Variants in CLYBL observed in about 807,000 individuals in gnomAD.
CLYBL encodes citramalyl-CoA lyase.
In CLYBL, 31 loss-of-function variants were observed where a neutral mutation model predicts 38.9. The ratio of observed to expected loss-of-function variants is 0.80; its 90% CI spans 0.60 to 1.08. The LOEUF is 1.08. Among genes scored for constraint, CLYBL ranks in the 50% least tolerant of loss-of-function variants. CLYBL has a pLI of 0.00. For synonymous variants in CLYBL, 171 were observed against 158.6 expected (o/e 1.08, Z -0.59); for missense variants, 434 against 411.6 (o/e 1.05, Z -0.47).
chr13:99,675,465 T>C (rs960008597), intron 1 of CLYBL, among the ~76,000 whole-genome samples: 13 of 152,198 alleles, frequency 8.5e-5, no homozygotes, highest in African/African-American at 2.4e-4. Context: ...ATTAATTTTA[T>C]TTCTATCACT....
At chr13:99,750,690 A>G (rs180723473) in intron 1 of CLYBL, among the ~76,000 whole-genome samples, 32 of 150,770 alleles carry the variant, frequency 2.1e-4, no homozygotes, top group African/African-American at 7.8e-4. Flanking sequence ...AAAAAAAAGA[A>G]AGAAATTTAT....
chr13:99,606,819 G>A, intron 1 of CLYBL, 62 bp downstream of exon 1: 1 of 1,313,130 alleles, frequency 7.6e-7, no homozygotes, highest in Non-Finnish European at 9.6e-7. Flanking sequence ...GGCTCCTGTT[G>A]CAGCCCCGCG....
chr13:99,678,691 T>C (rs1260794641), intron 1 of CLYBL, among the ~76,000 whole-genome samples: 1 of 152,232 alleles, frequency 6.6e-6, no homozygotes, highest in Non-Finnish European at 1.5e-5. Flanking sequence ...ATCAGGAAAG[T>C]ATTATTATCT....
At chr13:99,870,781 G>T (rs1483062652) in intron 6 of CLYBL, among the ~76,000 whole-genome samples, 157 bp from the exon 7 acceptor site, 1 of 152,112 alleles carries the variant, frequency 6.6e-6, no homozygotes, top group Non-Finnish European at 1.5e-5. Context: ...CTGATTGCAG[G>T]TTTTGTTTGT....
chr13:99,850,103 A>C (rs775833557), intron 2 of CLYBL, among the ~76,000 whole-genome samples: 4 of 152,242 alleles, frequency 2.6e-5, no homozygotes, highest in Non-Finnish European at 5.9e-5. Context: ...AGTGGTCTCA[A>C]GATGATAGCA....
chr13:99,734,778 C>T (rs890968481), intron 1 of CLYBL, among the ~76,000 whole-genome samples: 1 of 152,080 alleles, frequency 6.6e-6, no homozygotes, highest in South Asian at 2.1e-4. Context: ...ATGAATGATT[C>T]GATGATAGGG....
At position 99,696,091 on chromosome 13, in the gene CLYBL, A is replaced by G. The variant is rs75689567; in HGVS notation, c.63-76733A>G. Among the ~76,000 whole-genome samples, 1,343 of 152,288 alleles carry G rather than the reference A, an allele frequency of 8.8e-3. 54 individuals carry two copies. Among genetic ancestry groups the G allele is most frequent in the Admixed American group, 0.064 (976 of 15,294 alleles). On this transcript the variant is annotated intron_variant, in intron 1 of 8. Coordinates refer to ENST00000339105, the MANE Select transcript of CLYBL (RefSeq NM_206808.5). ...GTCCTTGAGTCAGAGAGGCCACTAG[A>G]GAAAGTTTGACTTTCCATGTAGAAT...
At chr13:99,657,011 A>G (rs1349296608) in intron 1 of CLYBL, among the ~76,000 whole-genome samples, 5 of 152,314 alleles carry the variant, frequency 3.3e-5, no homozygotes, top group South Asian at 2.1e-4. Flanking sequence ...CTATATGTCA[A>G]CTAAAATGGA....
intron 1 of CLYBL, among the ~76,000 whole-genome samples, chr13:99,746,577 T>A (rs2139618542): frequency 6.6e-6 from 1 of 152,358 alleles, no homozygotes; most frequent in South Asian, 2.1e-4. Flanking sequence ...TAGGGGCCTC[T>A]GCTTTGAATG....
chr13:99,629,890 G>A (rs1036671437), intron 1 of CLYBL, among the ~76,000 whole-genome samples: 2 of 152,214 alleles, frequency 1.3e-5, no homozygotes, highest in Non-Finnish European at 2.9e-5. Flanking sequence ...GGATCTCACA[G>A]TGTTCTAGCG....
chr13:99,705,144 C>G (rs1168501674), intron 1 of CLYBL, among the ~76,000 whole-genome samples: 3 of 152,130 alleles, frequency 2.0e-5, no homozygotes, highest in Non-Finnish European at 4.4e-5. Flanking sequence ...CATGGGTACA[C>G]CCATGTTTAT....
intron 1 of CLYBL, among the ~76,000 whole-genome samples, chr13:99,633,622 GT>G (rs2046979968): frequency 2.6e-5 from 4 of 151,896 alleles, no homozygotes. Flanking sequence ...GGAAGTGATT[GT>G]TTAATGCATA....
chr13:99,899,376 C>A (rs777697958), downstream of CLYBL, among the ~76,000 whole-genome samples: 9 of 152,188 alleles, frequency 5.9e-5, no homozygotes, highest in Non-Finnish European at 1.3e-4. Context: ...ATTCTCCTTC[C>A]TTTCCTGGAT....
In CLYBL at chr13:99,824,257, G is replaced by GCCCC. The variant is rs57450534; in HGVS notation, c.250-34599_250-34596dup. ...TAGCTTGAAAGCCTTCTGACTAATA[G>GCCCC]CCCCCCCCACCCACCCCCAGCTAAT... On this transcript the variant is annotated intron_variant, in intron 2 of 8. Coordinates refer to ENST00000339105, the MANE Select transcript of CLYBL (RefSeq NM_206808.5). Among the ~76,000 whole-genome samples, 163 of 130,502 alleles carry GCCCC rather than the reference G, an allele frequency of 1.2e-3. 1 individual carries two copies. Among genetic ancestry groups the GCCCC allele is most frequent in the Middle Eastern group, 7.6e-3 (2 of 264 alleles). The allele number at this position is 130,502 out of a possible 152,430, so 85.6% of individuals were successfully genotyped here.
At chr13:99,665,042 A>AT (rs547761416) in intron 1 of CLYBL, among the ~76,000 whole-genome samples, 6 of 151,604 alleles carry the variant, frequency 4.0e-5, no homozygotes, top group South Asian at 2.1e-4. Flanking sequence ...TTAAAATATG[A>AT]TTTTTTTTCT....
At chr13:99,817,252 G>A (rs1448624624) in intron 2 of CLYBL, among the ~76,000 whole-genome samples, 1 of 152,172 alleles carries the variant, frequency 6.6e-6, no homozygotes, top group Non-Finnish European at 1.5e-5. Context: ...TAGCTTTAAT[G>A]TGTGTATGAG....
At chr13:99,614,982 C>T (rs909303297) in intron 1 of CLYBL, among the ~76,000 whole-genome samples, 5 of 152,126 alleles carry the variant, frequency 3.3e-5, no homozygotes, top group Admixed American at 2.0e-4. Flanking sequence ...TTGAGTGGCA[C>T]GAGTACTTCA....
chr13:99,671,692 A>G (rs1237836768), intron 1 of CLYBL, among the ~76,000 whole-genome samples: 1 of 151,940 alleles, frequency 6.6e-6, no homozygotes, highest in Non-Finnish European at 1.5e-5. Context: ...AGGCAGGAGA[A>G]TCACTTGAAC....
chr13:99,697,826 T>C (rs545621768), intron 1 of CLYBL, among the ~76,000 whole-genome samples: 69 of 151,984 alleles, frequency 4.5e-4, no homozygotes, highest in African/African-American at 1.6e-3. Context: ...TTTATATTTT[T>C]TGGTAGAGAT....
Sources: allele counts gnomAD v4.1 joint callset (sites outside exome capture counted in the v4.1 genomes callset), GRCh38; gene constraint gnomAD v4.1.1; transcripts MANE v1.5; gene names NCBI Gene and HGNC (gene_info 2026-07-23, HGNC 2026-07-21).